The following KDM2B variants were observed in gnomAD, a reference collection of about 807,000 sequenced individuals.
The protein encoded by KDM2B is lysine demethylase 2B.
Under a neutral mutation model 150.0 loss-of-function variants are expected in KDM2B, and 26 were observed. The observed-to-expected ratio is 0.17, with a 90% CI of 0.13 to 0.24. KDM2B has a LOEUF of 0.24. KDM2B is among the 10% of genes least tolerant of loss of function. The pLI, the probability that KDM2B is intolerant of heterozygous loss-of-function variation, is 1.00. For missense variants in KDM2B, 1,265 were observed against 1,816.9 expected (o/e 0.70, Z 5.52); for synonymous variants, 734 against 729.5 (o/e 1.01, Z -0.10).
chr12:121,464,775 C>CTGA (rs1879630773), intron 12 of KDM2B, among the ~76,000 whole-genome samples: 1 of 152,212 alleles, frequency 6.6e-6, no homozygotes, highest in African/African-American at 2.4e-5. Context: ...GTGCCAAACC[C>CTGA]ATTCAGCAGG....
At position 121,453,035 on chromosome 12, in the gene KDM2B, C is replaced by T; in HGVS notation, c.1959+85G>A. On this transcript the variant is annotated intron_variant, in intron 13 of 22. Transcript: ENST00000377071. The surrounding 1 kb of genome is among the most constrained non-coding windows in gnomAD (Gnocchi z 6.4). ...CCCGGCTTCTCTGTGTGCGGAGGGG[C>T]GGCCAGAGCGAGCAGCGGTCAGACA... The T allele has an allele frequency of 6.6e-6, 8 of 1,214,500 alleles. No individual in the cohort carries two copies. Among genetic ancestry groups the T allele is most frequent in the Middle Eastern group, 2.8e-4 (1 of 3,520 alleles). 75.2% of individuals were successfully genotyped at this position (1,214,500 alleles called of 1,614,324 possible).
At chr12:121,564,112 A>T (rs1890532275) in intron 4 of KDM2B, among the ~76,000 whole-genome samples, 1 of 151,964 alleles carries the variant, frequency 6.6e-6, no homozygotes, top group African/African-American at 2.4e-5. Flanking sequence ...AGAACCCCCC[A>T]CAACAAAGAG....
chr12:121,548,452 G>A (rs1555311125), intron 6 of KDM2B, among the ~76,000 whole-genome samples: 1 of 152,188 alleles, frequency 6.6e-6, no homozygotes, highest in Non-Finnish European at 1.5e-5. Context: ...ATGCCAGGTA[G>A]GTATTTCCCC....
Position 121,443,023 on chromosome 12 carries a change from G to A in KDM2B, c.2573C>T (p.Pro858Leu). 6.2e-7 allele frequency: 1 copy of A among 1,612,868 alleles called. No individual in the cohort carries two copies. The highest frequency in any genetic ancestry group is 2.2e-5 in the East Asian group (1 of 44,848). The change falls in exon 18 of 23, where the codon CCT becomes CTT. Residue 858 changes from proline to leucine, a missense_variant. Transcript: ENST00000377071. ...CCTGAAAAGCTTATCTTCTTTGCCA[G>A]GTTTGAGCTGTCACGAAAAAGAAAG... ...SLTYFQQQLK[P>L]GKEDKLFRKK...
intron 4 of KDM2B, among the ~76,000 whole-genome samples, chr12:121,564,406 C>A (rs1036302592): frequency 3.3e-5 from 5 of 151,828 alleles, no homozygotes; most frequent in Admixed American, 6.6e-5. Flanking sequence ...TGCAGTGAGC[C>A]GAGATGGCGC....
intron 22 of KDM2B, among the ~76,000 whole-genome samples, chr12:121,434,487 C>T (rs533985891): frequency 1.6e-4 from 19 of 121,964 alleles, no homozygotes; most frequent in Middle Eastern, 5.8e-3. Context: ...GGCAACAGAG[C>T]GAGACTCTCT....
chr12:121,522,340 A>G (rs1243681892), intron 8 of KDM2B, among the ~76,000 whole-genome samples: 3 of 150,590 alleles, frequency 2.0e-5, no homozygotes, highest in Non-Finnish European at 3.0e-5. Context: ...ACATGGAGAA[A>G]CCCTGTCTCT....
At chr12:121,418,601 G>A in the KDM2B span, 1 of 152,328 alleles carries the variant, frequency 6.6e-6, no homozygotes, top group African/African-American at 2.4e-5. Flanking sequence ...TGAGCCTGCA[G>A]TCTGATACTT....
In KDM2B at chr12:121,575,363, C is replaced by G. The variant is rs1171634087; in HGVS notation, c.350+418G>C. Reference sequence around the variant, plus strand: ...CAAAGAAAGGGGAGACATTGGCACCCCAGGAATCTGCATAAGAAACATGTA... The same window carrying G: ...CAAAGAAAGGGGAGACATTGGCACCGCAGGAATCTGCATAAGAAACATGTA... On this transcript the variant is annotated intron_variant, in intron 3 of 22. Transcript: ENST00000377071. This position sits in a 1 kb window ranked among gnomAD's most constrained non-coding sequence, Gnocchi z 4.4. Among the ~76,000 whole-genome samples the G allele has an allele frequency of 6.6e-6, 1 of 152,172 alleles. No individual in the cohort carries two copies. Among genetic ancestry groups the G allele is most frequent in the South Asian group, 2.1e-4 (1 of 4,826 alleles).
intron 13 of KDM2B, among the ~76,000 whole-genome samples, 157 bp from the exon 14 acceptor site, chr12:121,445,575 G>T (rs967472226): frequency 6.6e-6 from 1 of 152,198 alleles, no homozygotes; most frequent in Non-Finnish European, 1.5e-5. Flanking sequence ...ATTGAAATAC[G>T]TATCAGGCTA....
At chr12:121,416,473 T>C in the KDM2B span, 6 of 885,080 alleles carry the variant, frequency 6.8e-6, no homozygotes, top group Non-Finnish European at 5.4e-6. Context: ...TTTCTGTTTA[T>C]AAAAATATCA....
At position 121,575,907 on chromosome 12, in the gene KDM2B, C is replaced by T. The variant is rs782337175; in HGVS notation, c.272-48G>A. 1 of 1,411,672 alleles carries T rather than the reference C, an allele frequency of 7.1e-7. No individual in the cohort carries two copies. The highest frequency in any genetic ancestry group is 1.0e-6 in the Non-Finnish European group (1 of 996,082). 87.4% of individuals were successfully genotyped at this position (1,411,672 alleles called of 1,614,324 possible). A position where few individuals can be genotyped will look rare whatever the true frequency, so the allele number is the denominator to read the frequency against. ...ACAAGTTGGTTAAGTCACGAAGGAG[C>T]AAATGAACCGGGATCTGTTGGTTAG... On this transcript the variant is annotated intron_variant, in intron 2 of 22. Coordinates refer to ENST00000377071, the MANE Select transcript of KDM2B (RefSeq NM_032590.5). The surrounding 1 kb of genome is among the most constrained non-coding windows in gnomAD (Gnocchi z 4.4).
intron 4 of KDM2B, among the ~76,000 whole-genome samples, chr12:121,572,413 C>T (rs1891165721): frequency 6.6e-6 from 1 of 152,174 alleles, no homozygotes; most frequent in Admixed American, 6.5e-5. Context: ...CACTCACTCA[C>T]TCACTCAGTT....
chr12:121,506,663 C>T (rs782299472), intron 11 of KDM2B, among the ~76,000 whole-genome samples: 5 of 151,808 alleles, frequency 3.3e-5, no homozygotes, highest in Non-Finnish European at 5.9e-5. Context: ...AAAGACCAGG[C>T]GCGGTGGCTC....
intron 4 of KDM2B, among the ~76,000 whole-genome samples, chr12:121,559,674 G>A (rs2136223047): frequency 6.6e-6 from 1 of 152,216 alleles, no homozygotes; most frequent in Admixed American, 6.5e-5. Flanking sequence ...GCCGAGGCAG[G>A]AGGATCACCT....
chr12:121,564,373 G>A (rs1396025305), intron 4 of KDM2B, among the ~76,000 whole-genome samples: 1 of 152,002 alleles, frequency 6.6e-6, no homozygotes, highest in African/African-American at 2.4e-5. Context: ...CAGGAAAATG[G>A]CGTGAACCCG....
chr12:121,448,645 G>C (rs558985836), intron 13 of KDM2B, among the ~76,000 whole-genome samples: 42 of 152,214 alleles, frequency 2.8e-4, no homozygotes, highest in Admixed American at 1.2e-3. Flanking sequence ...AAGCAGGCTG[G>C]GATATACACG....
chr12:121,553,542 A>C (rs1270779610), intron 4 of KDM2B, among the ~76,000 whole-genome samples: 1 of 152,170 alleles, frequency 6.6e-6, no homozygotes, highest in African/African-American at 2.4e-5. Context: ...TCTGGGAATC[A>C]GTTTCTTCTT....
chr12:121,430,528 C>G lies in KDM2B; in HGVS notation c.3830-59G>C. On this transcript the variant is annotated intron_variant, in intron 22 of 22. Transcript: ENST00000377071. The surrounding 1 kb of genome is among the most constrained non-coding windows in gnomAD (Gnocchi z 4.4). ...GGCCAGGAGCCAGAAGCCCCCCCGC[C>G]GCCAGACCCAGGCACTCAGCAGTGG... 2.3e-6 allele frequency: 3 copies of G among 1,301,290 alleles called. No homozygotes were observed. The highest frequency in any genetic ancestry group is 2.2e-6 in the Non-Finnish European group (2 of 897,920). 80.6% of individuals were successfully genotyped at this position (1,301,290 alleles called of 1,614,324 possible). A position where few individuals can be genotyped will look rare whatever the true frequency, so the allele number is the denominator to read the frequency against.
Sources: allele counts gnomAD v4.1 joint callset (sites outside exome capture counted in the v4.1 genomes callset), GRCh38; gene constraint gnomAD v4.1.1; non-coding constraint Gnocchi (gnomAD v3.1); transcripts MANE v1.5; gene names NCBI Gene and HGNC (gene_info 2026-07-23, HGNC 2026-07-21).